The following DPYD variants were observed in gnomAD, a reference collection of about 807,000 sequenced individuals.
DPYD encodes the protein dihydropyrimidine dehydrogenase, also known as dihydropyrimidine dehydrogenase [NADP(+)].
A neutral mutation model predicts 116.2 loss-of-function variants in DPYD; 109 were observed. The observed-to-expected ratio is 0.94, with a 90% CI of 0.80 to 1.10. The LOEUF (loss-of-function observed/expected upper bound fraction) is 1.10. Among genes scored for constraint, DPYD ranks in the 50% least tolerant of loss-of-function variants. DPYD has a pLI of 0.00. For missense variants in DPYD, 1,302 were observed against 1,254.5 expected (o/e 1.04, Z -0.57); for synonymous variants, 440 against 432.0 (o/e 1.02, Z -0.23).
At chr1:97,679,337 A>G (rs909528030) in intron 7 of DPYD, among the ~76,000 whole-genome samples, 155 bp from the exon 8 acceptor site, 6 of 152,218 alleles carry the variant, frequency 3.9e-5, no homozygotes, top group African/African-American at 1.4e-4. Context: ...ATAGGTTTAC[A>G]TACACAAAAT....
At chr1:97,187,726 G>A (rs1658094703) in intron 20 of DPYD, among the ~76,000 whole-genome samples, 1 of 151,854 alleles carries the variant, frequency 6.6e-6, no homozygotes, top group Non-Finnish European at 1.5e-5. Flanking sequence ...AGTCTTTGAT[G>A]GGTTTTGAGG....
chr1:97,292,120 C>A (rs568795219), intron 18 of DPYD, among the ~76,000 whole-genome samples: 23 of 152,166 alleles, frequency 1.5e-4, no homozygotes, highest in Admixed American at 3.9e-4. Context: ...TAACAAACAT[C>A]TACTGAATTA....
chr1:97,892,713 C>CT (rs915266821), intron 1 of DPYD, among the ~76,000 whole-genome samples: 5 of 151,768 alleles, frequency 3.3e-5, no homozygotes, highest in African/African-American at 1.2e-4. Context: ...ACTTATCATA[C>CT]TTTTTTTCCC....
chr1:97,502,605 G>A (rs947594688), intron 13 of DPYD, among the ~76,000 whole-genome samples: 13 of 152,050 alleles, frequency 8.5e-5, no homozygotes, highest in East Asian at 5.8e-4. Context: ...TGTGGAGGCC[G>A]GAATTTAGGA....
intron 8 of DPYD, among the ~76,000 whole-genome samples, chr1:97,597,239 A>C (rs541813410): frequency 1.3e-5 from 2 of 152,282 alleles, no homozygotes; most frequent in Admixed American, 1.3e-4. Context: ...TTATTTAGCC[A>C]CACCCCAGGT....
intron 13 of DPYD, among the ~76,000 whole-genome samples, chr1:97,453,429 T>C (rs930795153): frequency 6.6e-5 from 10 of 152,056 alleles, no homozygotes; most frequent in African/African-American, 2.2e-4. Context: ...ACAGTATACA[T>C]AGGAATTTTT....
chr1:97,107,587 CA>C (rs1651263277), intron 20 of DPYD, among the ~76,000 whole-genome samples: 1 of 151,996 alleles, frequency 6.6e-6, no homozygotes, highest in African/African-American at 2.4e-5. Flanking sequence ...GGCTATATAC[CA>C]GACACTTTGC....
intron 13 of DPYD, among the ~76,000 whole-genome samples, chr1:97,477,604 C>CTTCTTTTT (rs1678043959): frequency 3.5e-5 from 4 of 113,654 alleles, no homozygotes; most frequent in African/African-American, 1.4e-4. Flanking sequence ...GACTGTTCTT[C>CTTCTTTTT]TTTTTTTTTT....
At chr1:97,479,601 C>T (rs1678185970) in intron 13 of DPYD, among the ~76,000 whole-genome samples, 1 of 152,062 alleles carries the variant, frequency 6.6e-6, no homozygotes, top group African/African-American at 2.4e-5. Context: ...CAAAATGTGG[C>T]ACAGAGACAG....
intron 13 of DPYD, among the ~76,000 whole-genome samples, chr1:97,453,247 AT>A (rs1358120691): frequency 6.6e-6 from 1 of 152,070 alleles, no homozygotes; most frequent in Non-Finnish European, 1.5e-5. Context: ...GATCTCTAGG[AT>A]TTAAATAGAA....
chr1:97,770,255 A>C (rs1296243112), intron 3 of DPYD, among the ~76,000 whole-genome samples: 3 of 152,188 alleles, frequency 2.0e-5, no homozygotes, highest in Non-Finnish European at 4.4e-5. Context: ...TTTAATTAAA[A>C]CACAAATTTG....
intron 6 of DPYD, 148 bp from the exon 7 acceptor site, chr1:97,691,946 GA>G (rs1661031144): frequency 1.5e-6 from 1 of 680,198 alleles, no homozygotes; most frequent in African/African-American, 1.8e-5. Context: ...AGATATGCAT[GA>G]GGACATCTAC....
chr1:97,683,659 A>T (rs901220723), intron 7 of DPYD, among the ~76,000 whole-genome samples: 11 of 152,060 alleles, frequency 7.2e-5, no homozygotes, highest in Admixed American at 2.0e-4. Context: ...GTATAAATAA[A>T]CATCAGCTAA....
chr1:97,249,958 G>A (rs1214169026), intron 18 of DPYD, among the ~76,000 whole-genome samples: 1 of 152,124 alleles, frequency 6.6e-6, no homozygotes, highest in Non-Finnish European at 1.5e-5. Context: ...ACTCTCACAT[G>A]CTGCTGGAAG....
chr1:97,318,918 T>A (rs2101091743), intron 16 of DPYD, among the ~76,000 whole-genome samples: 1 of 143,786 alleles, frequency 7.0e-6, no homozygotes, highest in Middle Eastern at 3.5e-3. Flanking sequence ...GAACTCAGGA[T>A]TAAGAATCTC....
intron 2 of DPYD, among the ~76,000 whole-genome samples, chr1:97,854,395 T>C (rs745615160): frequency 5.9e-5 from 9 of 152,182 alleles, no homozygotes; most frequent in African/African-American, 1.7e-4. Flanking sequence ...TAGCTAAAAA[T>C]AACATATAAT....
intron 10 of DPYD, among the ~76,000 whole-genome samples, chr1:97,591,665 C>G (rs1365323728): frequency 1.3e-5 from 2 of 152,054 alleles, no homozygotes; most frequent in African/African-American, 4.8e-5. Flanking sequence ...GTGTCATCTT[C>G]CCCTTCCAAC....
intron 21 of DPYD, among the ~76,000 whole-genome samples, chr1:97,086,919 G>A (rs1649560899): frequency 6.6e-6 from 1 of 152,204 alleles, no homozygotes; most frequent in South Asian, 2.1e-4. Flanking sequence ...TTATTTGGAT[G>A]TAGCTATTTA....
chr1:97,794,992 CT>C lies in DPYD; in HGVS notation c.233+33121del, dbSNP rs557300841. On this transcript the variant is annotated intron_variant, in intron 3 of 22. Coordinates refer to ENST00000370192, the MANE Select transcript of DPYD (RefSeq NM_000110.4). ...TACCTAATCTTGTTTGTTCTAGTAT[CT>C]TTTTGTAGATCACATTAGATTTTCT... Among the ~76,000 whole-genome samples, 331 of 152,000 alleles carry C rather than the reference CT, an allele frequency of 2.2e-3. 1 individual carries two copies. The highest frequency in any genetic ancestry group is 7.8e-3 in the African/African-American group (324 of 41,490).
Sources: gnomAD v4.1 joint callset for allele counts (sites outside exome capture counted in the v4.1 genomes callset) on GRCh38, gnomAD v4.1.1 for gene constraint, MANE v1.5 for transcripts, NCBI Gene and HGNC (gene_info 2026-07-23, HGNC 2026-07-21) for gene names.